Variants in ALDH1A2 observed in about 807,000 individuals in gnomAD.
The protein encoded by ALDH1A2 is aldehyde dehydrogenase 1 family member A2.
ALDH1A2 carries 27 observed loss-of-function variants against 60.3 expected under a neutral mutation model. The ratio of observed to expected loss-of-function variants is 0.45; its 90% CI spans 0.33 to 0.62. The LOEUF is 0.62. Among genes scored for constraint, ALDH1A2 ranks in the 20% least tolerant of loss-of-function variants. ALDH1A2 has a pLI of 0.02. For synonymous variants in ALDH1A2, 289 were observed against 232.4 expected, an observed-to-expected ratio of 1.24 and a Z score of -2.21; for missense variants, 581 against 643.8, an observed-to-expected ratio of 0.90 and a Z score of 1.06.
chr15:57,972,823 C>T (rs1297990444), intron 7 of ALDH1A2, among the ~76,000 whole-genome samples: 2 of 152,128 alleles, frequency 1.3e-5, no homozygotes, highest in African/African-American at 4.8e-5. Context: ...AATGGACTCA[C>T]ACAACCTTAG....
chr15:58,007,478 T>C (rs1024566756), intron 4 of ALDH1A2, among the ~76,000 whole-genome samples: 4 of 151,974 alleles, frequency 2.6e-5, no homozygotes, highest in African/African-American at 9.7e-5. Flanking sequence ...ACACTTAAGT[T>C]TGAATCTCAC....
chr15:58,057,371 G>A (rs1896922066), intron 1 of ALDH1A2, among the ~76,000 whole-genome samples: 1 of 151,738 alleles, frequency 6.6e-6, no homozygotes, highest in Non-Finnish European at 1.5e-5. Context: ...ATGTTACCAC[G>A]CAAAACAATA....
intron 12 of ALDH1A2, among the ~76,000 whole-genome samples, chr15:57,959,669 T>G (rs920021780): frequency 1.1e-4 from 17 of 152,038 alleles, no homozygotes; most frequent in African/African-American, 4.1e-4. Context: ...ATTATTCCCA[T>G]CTTGGAGATG....
At chr15:58,020,049 A>G (rs1385694187) in intron 1 of ALDH1A2, among the ~76,000 whole-genome samples, 2 of 150,566 alleles carry the variant, frequency 1.3e-5, no homozygotes, top group African/African-American at 2.5e-5. Flanking sequence ...TCATTGTGCA[A>G]CTCCCACTTA....
intron 1 of ALDH1A2, among the ~76,000 whole-genome samples, chr15:58,059,466 T>G (rs1275007956): frequency 6.6e-6 from 1 of 152,210 alleles, no homozygotes; most frequent in East Asian, 1.9e-4. Flanking sequence ...GTTTTTAAAT[T>G]ATATAAAGTA....
intron 1 of ALDH1A2, among the ~76,000 whole-genome samples, chr15:58,053,240 G>C (rs1363939038): frequency 6.6e-6 from 1 of 152,134 alleles, no homozygotes. Flanking sequence ...CTTCTTCTAA[G>C]AGATTTTTGT....
chr15:57,979,979 C>T, intron 7 of ALDH1A2: 1 of 348,156 alleles, frequency 2.9e-6, no homozygotes. Context: ...GTCCCAGGAG[C>T]TGTCATGCTC....
intron 7 of ALDH1A2, among the ~76,000 whole-genome samples, chr15:57,977,093 G>A (rs1420914546): frequency 2.4e-5 from 3 of 124,392 alleles, no homozygotes; most frequent in Non-Finnish European, 5.7e-5. Flanking sequence ...CCCACTTTTC[G>A]ATGTTTTTTT....
intron 12 of ALDH1A2, among the ~76,000 whole-genome samples, chr15:57,956,285 T>C (rs1188772540): frequency 6.6e-6 from 1 of 152,224 alleles, no homozygotes; most frequent in African/African-American, 2.4e-5. Context: ...TTGTCATATC[T>C]TCTAGATCAG....
chr15:58,061,444 AT>A (rs1346622195), intron 1 of ALDH1A2, among the ~76,000 whole-genome samples: 4 of 151,792 alleles, frequency 2.6e-5, no homozygotes, highest in Admixed American at 6.6e-5. Context: ...AAAAAAAAAA[AT>A]CTCATAGAAA....
chr15:57,987,436 G>A (rs532056677), intron 7 of ALDH1A2, among the ~76,000 whole-genome samples: 2 of 152,232 alleles, frequency 1.3e-5, no homozygotes, highest in East Asian at 1.9e-4. Context: ...ATTACTTACC[G>A]TAAAATAAAG....
At chr15:58,001,034 T>TAAAAAAAAAAAAAAAAAAA (rs10641902) in intron 4 of ALDH1A2, among the ~76,000 whole-genome samples, 2 of 126,240 alleles carry the variant, frequency 1.6e-5, no homozygotes, top group Admixed American at 8.4e-5. Context: ...TCAAAATTGT[T>TAAAAAAAAAAAAAAAAAAA]AAAAAAAAAA....
chr15:58,054,197 G>A (rs1305247805), intron 1 of ALDH1A2, among the ~76,000 whole-genome samples: 1 of 152,066 alleles, frequency 6.6e-6, no homozygotes, highest in African/African-American at 2.4e-5. Flanking sequence ...CCTGTCCTAA[G>A]AGAAACACCA....
chr15:57,992,438 A>C (rs565926700), intron 7 of ALDH1A2, among the ~76,000 whole-genome samples: 1 of 152,224 alleles, frequency 6.6e-6, no homozygotes, highest in Non-Finnish European at 1.5e-5. Context: ...CCGCTATTCA[A>C]CAAAGTGTCT....
intron 1 of ALDH1A2, among the ~76,000 whole-genome samples, chr15:58,022,012 T>A (rs1895942658): frequency 6.6e-6 from 1 of 152,146 alleles, no homozygotes; most frequent in Non-Finnish European, 1.5e-5. Context: ...CACCTGCCGG[T>A]CCAGGCTGTG....
intron 1 of ALDH1A2, among the ~76,000 whole-genome samples, chr15:58,021,743 C>G (rs1895934713): frequency 6.6e-6 from 1 of 152,246 alleles, no homozygotes; most frequent in Non-Finnish European, 1.5e-5. Flanking sequence ...GCTATTACTG[C>G]TGGGACAGCA....
intron 4 of ALDH1A2, among the ~76,000 whole-genome samples, chr15:57,997,687 A>C (rs988455958): frequency 1.4e-4 from 22 of 151,988 alleles, no homozygotes; most frequent in Non-Finnish European, 2.7e-4. Flanking sequence ...AAAAAAGTGA[A>C]AGGGAAGAAA....
chr15:58,023,353 T>C (rs1895985333), intron 1 of ALDH1A2, among the ~76,000 whole-genome samples: 1 of 152,138 alleles, frequency 6.6e-6, no homozygotes, highest in Non-Finnish European at 1.5e-5. Context: ...GTGACCAAAT[T>C]TACAAATTAT....
intron 1 of ALDH1A2, among the ~76,000 whole-genome samples, chr15:58,043,604 A>T (rs1896570525): frequency 6.6e-6 from 1 of 152,012 alleles, no homozygotes; most frequent in Non-Finnish European, 1.5e-5. Context: ...TTTAACACAC[A>T]ATGAATATAC....
Sources: allele counts gnomAD v4.1 joint callset (sites outside exome capture counted in the v4.1 genomes callset), GRCh38; gene constraint gnomAD v4.1.1; transcripts MANE v1.5; gene names NCBI Gene and HGNC (gene_info 2026-07-23, HGNC 2026-07-21).